Variants in STEAP1B observed in about 807,000 individuals in gnomAD.
STEAP1B encodes the protein STEAP family member 1B.
STEAP1B carries 13 observed loss-of-function variants against 27.9 expected under a neutral mutation model. The ratio of observed to expected loss-of-function variants is 0.47; its 90% CI spans 0.30 to 0.74. STEAP1B has a LOEUF of 0.74. STEAP1B is among the 30% of genes least tolerant of loss of function. The pLI, the probability that STEAP1B is intolerant of heterozygous loss-of-function variation, is 0.06. For missense variants in STEAP1B, 250 were observed against 298.7 expected, an observed-to-expected ratio of 0.84 and a Z score of 1.20; for synonymous variants, 86 against 107.1, an observed-to-expected ratio of 0.80 and a Z score of 1.22.
At chr7:22,495,794 T>C (rs1786429887) in intron 1 of STEAP1B, among the ~76,000 whole-genome samples, 1 of 152,198 alleles carries the variant, frequency 6.6e-6, no homozygotes, top group South Asian at 2.1e-4. Flanking sequence ...CCAGGAATAG[T>C]TTAAAATACA....
intron 4 of STEAP1B, among the ~76,000 whole-genome samples, chr7:22,421,058 G>A (rs1000468262): frequency 3.9e-5 from 6 of 152,204 alleles, no homozygotes; most frequent in African/African-American, 1.4e-4. Flanking sequence ...AATGTTAAAT[G>A]TCACTTTTCT....
intron 1 of STEAP1B, among the ~76,000 whole-genome samples, chr7:22,498,191 T>C (rs1786474819): frequency 1.3e-5 from 2 of 152,194 alleles, no homozygotes; most frequent in African/African-American, 4.8e-5. Flanking sequence ...CTGATACCAG[T>C]CTGCGGCCAG....
chr7:22,498,896 G>A (rs3864427), intron 1 of STEAP1B, among the ~76,000 whole-genome samples: 2 of 152,176 alleles, frequency 1.3e-5, no homozygotes, highest in Admixed American at 6.5e-5. Flanking sequence ...ACTCAAGAGC[G>A]AAGCCAAGGA....
intron 4 of STEAP1B, among the ~76,000 whole-genome samples, chr7:22,470,038 T>A (rs1400002450): frequency 6.6e-6 from 1 of 152,164 alleles, no homozygotes; most frequent in Non-Finnish European, 1.5e-5. Context: ...ATTACCTAAC[T>A]CTCCACTGAG....
At position 22,492,690 on chromosome 7, in the gene STEAP1B, C is replaced by T. The variant is rs767165020; in HGVS notation, c.637G>A (p.Val213Ile). The change falls in exon 4 of 5, where the codon GTT becomes ATT. Residue 213 changes from valine to isoleucine, a missense_variant. Transcript: ENST00000678116. Reference protein sequence around the residue: ...NKEDAWIEHDVWRMEIYVSLG... With the variant: ...NKEDAWIEHDIWRMEIYVSLG... ...GACACATAAATCTCCATTCTCCAAA[C>T]ATCATGCTCAATCCAGGCATCTTCT... is the stretch of plus-strand genomic sequence containing the variant. The T allele has an allele frequency of 6.2e-7, 1 of 1,612,580 alleles. No homozygotes were observed.
intron 4 of STEAP1B, among the ~76,000 whole-genome samples, chr7:22,462,693 C>T (rs74722784): frequency 0.39 from 58,706 of 148,644 alleles, 11,650 homozygotes; most frequent in South Asian, 0.47. Flanking sequence ...AATAAACATA[C>T]GTGTGCATGT....
chr7:22,465,461 AT>A (rs1338089996), intron 4 of STEAP1B, among the ~76,000 whole-genome samples: 2 of 152,084 alleles, frequency 1.3e-5, no homozygotes, highest in African/African-American at 4.8e-5. Flanking sequence ...CAACACTCTT[AT>A]CTTTTAGATT....
intron 4 of STEAP1B, among the ~76,000 whole-genome samples, chr7:22,468,615 T>A (rs778830337): frequency 2.6e-5 from 4 of 152,212 alleles, no homozygotes; most frequent in Non-Finnish European, 5.9e-5. Context: ...ACACAAACAC[T>A]ATATTCTAGC....
At chr7:22,475,563 C>A (rs1317978003) in intron 4 of STEAP1B, among the ~76,000 whole-genome samples, 1 of 152,180 alleles carries the variant, frequency 6.6e-6, no homozygotes, top group Non-Finnish European at 1.5e-5. Context: ...AGAGAAGGGG[C>A]CTTGCTATGT....
intron 4 of STEAP1B, among the ~76,000 whole-genome samples, chr7:22,447,677 G>A (rs145174958): frequency 6.6e-6 from 1 of 152,200 alleles, no homozygotes; most frequent in Non-Finnish European, 1.5e-5. Flanking sequence ...TGTTTAGTAA[G>A]GTCCTTCATG....
chr7:22,442,997 C>T (rs561727116), intron 4 of STEAP1B, among the ~76,000 whole-genome samples: 3 of 152,338 alleles, frequency 2.0e-5, no homozygotes, highest in Middle Eastern at 3.4e-3. Context: ...AGCTCCAGCA[C>T]GCCCTGGGGA....
At chr7:22,460,157 T>C (rs1785654316) in intron 4 of STEAP1B, among the ~76,000 whole-genome samples, 1 of 151,502 alleles carries the variant, frequency 6.6e-6, no homozygotes, top group South Asian at 2.1e-4. Flanking sequence ...AAAAAAACGT[T>C]TTAAAAAGAT....
At chr7:22,420,274 C>T (rs1331012929) in intron 4 of STEAP1B, among the ~76,000 whole-genome samples, 1 of 152,190 alleles carries the variant, frequency 6.6e-6, no homozygotes, top group Non-Finnish European at 1.5e-5. Flanking sequence ...GTAAAAGTGG[C>T]TTCTCCCTCT....
intron 4 of STEAP1B, among the ~76,000 whole-genome samples, chr7:22,430,864 C>T (rs553005548): frequency 3.0e-4 from 46 of 152,336 alleles, no homozygotes; most frequent in African/African-American, 1.0e-3. Context: ...TTTTCCCAAT[C>T]TGGTCTACAA....
At chr7:22,453,368 A>C (rs1278075598) in intron 4 of STEAP1B, among the ~76,000 whole-genome samples, 2 of 150,958 alleles carry the variant, frequency 1.3e-5, no homozygotes, top group African/African-American at 4.9e-5. Flanking sequence ...TCAGTTTCTT[A>C]CTGCCTCCCT....
chr7:22,433,146 AAC>A (rs1454445482), intron 4 of STEAP1B, among the ~76,000 whole-genome samples: 2 of 152,210 alleles, frequency 1.3e-5, no homozygotes, highest in African/African-American at 4.8e-5. Flanking sequence ...ACCAAAAAAA[AAC>A]AAAACAAAAC....
At chr7:22,479,870 G>A (rs952842881) in intron 4 of STEAP1B, among the ~76,000 whole-genome samples, 1 of 151,942 alleles carries the variant, frequency 6.6e-6, no homozygotes, top group Non-Finnish European at 1.5e-5. Context: ...ATTTTTAGTA[G>A]AGATGGGATT....
At chr7:22,430,437 G>A (rs1785168040) in intron 4 of STEAP1B, among the ~76,000 whole-genome samples, 1 of 152,170 alleles carries the variant, frequency 6.6e-6, no homozygotes, top group Non-Finnish European at 1.5e-5. Flanking sequence ...ACTGAGGCAA[G>A]GAATTATTAA....
At chr7:22,431,513 A>G (rs77007463) in intron 4 of STEAP1B, among the ~76,000 whole-genome samples, 1 of 152,208 alleles carries the variant, frequency 6.6e-6, no homozygotes, top group Non-Finnish European at 1.5e-5. Context: ...AGCTAATCAG[A>G]ACCTAGGACT....
Sources: gnomAD v4.1 joint callset for allele counts (sites outside exome capture counted in the v4.1 genomes callset) on GRCh38, gnomAD v4.1.1 for gene constraint, MANE v1.5 for transcripts, NCBI Gene and HGNC (gene_info 2026-07-23, HGNC 2026-07-21) for gene names.